GPC6: variants seen among roughly 807,000 people sequenced by gnomAD.
GPC6 encodes the protein glypican-6.
A neutral mutation model predicts 55.2 loss-of-function variants in GPC6; 14 were observed. The observed-to-expected ratio is 0.25, with a 90% CI of 0.17 to 0.40. The LOEUF is 0.40. Ranked by LOEUF, GPC6 falls within the 10% of genes least tolerant of loss-of-function variation. The pLI is 1.00. For synonymous variants in GPC6, 278 were observed against 259.6 expected (o/e 1.07, Z -0.68); for missense variants, 641 against 708.5 (o/e 0.90, Z 1.08).
chr13:93,440,308 G>T (rs1877739511), intron 1 of GPC6, among the ~76,000 whole-genome samples: 1 of 152,212 alleles, frequency 6.6e-6, no homozygotes, highest in African/African-American at 2.4e-5. Context: ...TACCTCCTGA[G>T]TTTCTGCCAC....
chr13:93,767,541 C>T (rs1885161577), intron 2 of GPC6, among the ~76,000 whole-genome samples: 1 of 151,966 alleles, frequency 6.6e-6, no homozygotes, highest in Non-Finnish European at 1.5e-5. Context: ...CTAAAATAAC[C>T]CCATTTTAGT....
intron 4 of GPC6, among the ~76,000 whole-genome samples, chr13:94,110,958 G>A (rs1886223768): frequency 6.6e-6 from 1 of 152,026 alleles, no homozygotes; most frequent in East Asian, 1.9e-4. Flanking sequence ...TGGAGCAGTT[G>A]TACAAATATA....
At chr13:93,987,981 A>T (rs940905137) in intron 3 of GPC6, among the ~76,000 whole-genome samples, 1 of 152,094 alleles carries the variant, frequency 6.6e-6, no homozygotes, top group African/African-American at 2.4e-5. Context: ...TCCACACTGC[A>T]GAGGGGTCTT....
At chr13:93,909,474 A>C (rs1002319390) in intron 3 of GPC6, among the ~76,000 whole-genome samples, 2 of 152,188 alleles carry the variant, frequency 1.3e-5, no homozygotes, top group East Asian at 3.9e-4. Flanking sequence ...ACTATCAAAA[A>C]AAAAGAAAAG....
chr13:93,224,075 T>C (rs1438739147), upstream of GPC6, among the ~76,000 whole-genome samples: 1 of 151,996 alleles, frequency 6.6e-6, no homozygotes, highest in Non-Finnish European at 1.5e-5. Flanking sequence ...ATTTTTTGTA[T>C]TTTTAGTAGA....
At chr13:93,526,378 TA>T (rs1174681360) in intron 1 of GPC6, among the ~76,000 whole-genome samples, 1 of 151,164 alleles carries the variant, frequency 6.6e-6, no homozygotes, top group Non-Finnish European at 1.5e-5. Flanking sequence ...TTTCAGGGAT[TA>T]AAGATGTAGA....
chr13:94,088,944 C>T (rs759256233), intron 4 of GPC6, among the ~76,000 whole-genome samples: 7 of 151,962 alleles, frequency 4.6e-5, no homozygotes, highest in Non-Finnish European at 7.4e-5. Flanking sequence ...TTGATTTTGT[C>T]GTAATTGATG....
chr13:93,954,547 T>C (rs1879410271), intron 3 of GPC6, among the ~76,000 whole-genome samples: 1 of 152,124 alleles, frequency 6.6e-6, no homozygotes, highest in South Asian at 2.1e-4. Context: ...ATTCCCAAGT[T>C]TTACATGCTT....
At chr13:94,207,785 C>A (rs571975739) in intron 4 of GPC6, among the ~76,000 whole-genome samples, 5 of 152,280 alleles carry the variant, frequency 3.3e-5, no homozygotes, top group African/African-American at 1.2e-4. Context: ...TGACCAATTA[C>A]ATATCCCTGG....
intron 4 of GPC6, among the ~76,000 whole-genome samples, chr13:94,029,003 A>T (rs1883010255): frequency 6.6e-6 from 1 of 152,250 alleles, no homozygotes; most frequent in Non-Finnish European, 1.5e-5. Flanking sequence ...TGAAAATAGC[A>T]GTGGCATTTG....
intron 8 of GPC6, among the ~76,000 whole-genome samples, chr13:94,401,927 ATGATTGAT>A (rs60321246): frequency 4.0e-5 from 6 of 150,344 alleles, no homozygotes; most frequent in Middle Eastern, 3.2e-3. Context: ...GCCAGACCCT[ATGATTGAT>A]TGATTGATTG....
At chr13:93,496,502 C>G (rs547610642) in intron 1 of GPC6, among the ~76,000 whole-genome samples, 9 of 152,158 alleles carry the variant, frequency 5.9e-5, no homozygotes, top group African/African-American at 1.2e-4. Context: ...AGCTGTAGAC[C>G]GGAGCTGTTC....
chr13:93,545,434 G>C lies in GPC6; in HGVS notation c.319+13G>C, dbSNP rs765696158. 11 of 1,607,936 alleles carry C rather than the reference G, an allele frequency of 6.8e-6. No individual in the cohort carries two copies. The highest frequency in any genetic ancestry group is 1.7e-4 in the Middle Eastern group (1 of 6,050). ...AAGAAATTTGACGGTAGGTGAAATG[G>C]TTTTCACTTCAGTTTGTTATAGGTG... On this transcript the variant is annotated intron_variant, in intron 2 of 8. Coordinates refer to ENST00000377047, the MANE Select transcript of GPC6 (RefSeq NM_005708.5).
intron 2 of GPC6, among the ~76,000 whole-genome samples, chr13:93,783,374 T>C (rs914221373): frequency 8.4e-6 from 1 of 118,416 alleles, no homozygotes; most frequent in African/African-American, 3.4e-5. Context: ...TTTCTGGTTC[T>C]AGATCATTGA....
At chr13:93,899,068 A>T (rs556057391) in intron 3 of GPC6, among the ~76,000 whole-genome samples, 1 of 151,324 alleles carries the variant, frequency 6.6e-6, no homozygotes, top group South Asian at 2.1e-4. Context: ...CAGACGTAAA[A>T]ATGTGCTTTA....
At chr13:93,647,590 A>C (rs893313791) in intron 2 of GPC6, among the ~76,000 whole-genome samples, 1 of 152,156 alleles carries the variant, frequency 6.6e-6, no homozygotes, top group African/African-American at 2.4e-5. Flanking sequence ...TGAGGCTCAC[A>C]TACTTCTGAG....
At chr13:93,613,346 G>A (rs1262368831) in intron 2 of GPC6, among the ~76,000 whole-genome samples, 3 of 152,180 alleles carry the variant, frequency 2.0e-5, no homozygotes, top group Non-Finnish European at 4.4e-5. Flanking sequence ...AGGACTAAAG[G>A]TGGTGGGGAG....
chr13:93,680,536 T>G (rs1207035152), intron 2 of GPC6, among the ~76,000 whole-genome samples: 1 of 152,148 alleles, frequency 6.6e-6, no homozygotes, highest in Non-Finnish European at 1.5e-5. Context: ...CGCAGAGAGA[T>G]AGCAGATGTG....
intron 6 of GPC6, among the ~76,000 whole-genome samples, chr13:94,350,487 T>A (rs1878487894): frequency 6.6e-6 from 1 of 152,136 alleles, no homozygotes; most frequent in African/African-American, 2.4e-5. Context: ...ATAGGACAAT[T>A]TTAAGGGACT....
Sources: allele counts gnomAD v4.1 joint callset (sites outside exome capture counted in the v4.1 genomes callset), GRCh38; gene constraint gnomAD v4.1.1; transcripts MANE v1.5; gene names NCBI Gene and HGNC (gene_info 2026-07-23, HGNC 2026-07-21).